Variants in RYK observed in about 807,000 individuals in gnomAD.
The protein encoded by RYK is inactive tyrosine-protein kinase RYK.
Under a neutral mutation model 70.2 loss-of-function variants are expected in RYK, and 21 were observed. The ratio of observed to expected loss-of-function variants is 0.30; its 90% CI spans 0.21 to 0.43. RYK has a LOEUF of 0.43. Ranked by LOEUF, RYK falls within the 20% of genes least tolerant of loss-of-function variation. The pLI is 1.00. For synonymous variants in RYK, 267 were observed against 278.0 expected (o/e 0.96, Z 0.39); for missense variants, 604 against 753.3 (o/e 0.80, Z 2.32).
At chr3:134,221,839 T>G (rs1217953378) in intron 2 of RYK, among the ~76,000 whole-genome samples, 1 of 152,134 alleles carries the variant, frequency 6.6e-6, no homozygotes, top group East Asian at 1.9e-4. Context: ...AGGAGAAAAC[T>G]TACCATGTTT....
At chr3:134,162,962 A>G (rs1288580017) in intron 13 of RYK, among the ~76,000 whole-genome samples, 3 of 152,214 alleles carry the variant, frequency 2.0e-5, no homozygotes, top group African/African-American at 2.4e-5. Context: ...CACTGACATT[A>G]TAACACCTTC....
chr3:134,202,677 T>G, intron 6 of RYK, 53 bp downstream of exon 6: 1 of 1,539,674 alleles, frequency 6.5e-7, no homozygotes, highest in South Asian at 1.1e-5. Context: ...GGCTCCCACA[T>G]ATATACAAAT....
chr3:134,207,489 T>C lies in RYK; in HGVS notation c.626A>G (p.Asn209Ser). 6.5e-7 allele frequency: 1 copy of C among 1,542,020 alleles called. No individual in the cohort carries two copies. The highest frequency in any genetic ancestry group is 8.8e-7 in the Non-Finnish European group (1 of 1,140,522). Residue 209 changes from asparagine to serine, a missense_variant, in exon 5 of 15, where the codon AAC (asparagine) becomes AGC (serine). Physicochemically the swap from Asn to Ser is conservative, Grantham distance 46. This residue lies in a region of RYK where 466 missense variants were observed against 535.9 expected (regional missense o/e 0.87). Transcript: ENST00000623711. ...ACACTTACAAATAGTTCTGCTAGTGTTTTTGTCCAAGGCTGAAGTTTTTAC... is the reference window on the plus strand; with the variant it reads ...ACACTTACAAATAGTTCTGCTAGTGCTTTTGTCCAAGGCTGAAGTTTTTAC... ...EEVKTSALDK[N>S]TSRTIYDPVH...
At chr3:134,236,533 T>A (rs989203872) in intron 1 of RYK, among the ~76,000 whole-genome samples, 1 of 152,124 alleles carries the variant, frequency 6.6e-6, no homozygotes, top group Non-Finnish European at 1.5e-5. Flanking sequence ...AAAATCCCTA[T>A]CAAACTTCTG....
At chr3:134,158,413 C>G (rs1331872175) in intron 14 of RYK, 149 bp from the exon 15 acceptor site, 1 of 407,926 alleles carries the variant, frequency 2.5e-6, no homozygotes, top group African/African-American at 2.0e-5. Flanking sequence ...TATCTGTTGG[C>G]AGCTCTAGAA....
chr3:134,166,455 A>G (rs187050516), intron 13 of RYK, among the ~76,000 whole-genome samples: 22 of 152,348 alleles, frequency 1.4e-4, no homozygotes, highest in Admixed American at 3.3e-4. Context: ...TAAGACACCA[A>G]CTCAACTTCA....
At chr3:134,204,625 A>ACG (rs1401010875) in intron 5 of RYK, among the ~76,000 whole-genome samples, 5 of 149,770 alleles carry the variant, frequency 3.3e-5, no homozygotes, top group Non-Finnish European at 5.9e-5. Flanking sequence ...ACACACACAC[A>ACG]CACGCAGAAG....
chr3:134,244,462 T>C (rs2107698205), intron 1 of RYK, among the ~76,000 whole-genome samples: 1 of 152,312 alleles, frequency 6.6e-6, no homozygotes, highest in East Asian at 1.9e-4. Flanking sequence ...AATTCAGGTC[T>C]CAGGCAGGAC....
At chr3:134,163,341 C>G (rs2012545574) in intron 13 of RYK, among the ~76,000 whole-genome samples, 1 of 152,190 alleles carries the variant, frequency 6.6e-6, no homozygotes. Flanking sequence ...AAAATTTAGA[C>G]AGACTTATTC....
chr3:134,160,901 G>C (rs552284307), intron 13 of RYK, among the ~76,000 whole-genome samples: 1 of 152,230 alleles, frequency 6.6e-6, no homozygotes, highest in South Asian at 2.1e-4. Flanking sequence ...GTTCTATATA[G>C]AGCCAAAATA....
chr3:134,231,592 C>T (rs1365123542), intron 1 of RYK, among the ~76,000 whole-genome samples: 1 of 152,120 alleles, frequency 6.6e-6, no homozygotes, highest in Non-Finnish European at 1.5e-5. Flanking sequence ...CACCCCTTAT[C>T]CCCCTTCAAT....
intron 1 of RYK, among the ~76,000 whole-genome samples, chr3:134,241,701 A>C (rs965147592): frequency 6.6e-6 from 1 of 152,224 alleles, no homozygotes; most frequent in East Asian, 1.9e-4. Context: ...GACTAAGTCA[A>C]CTGTCAACCT....
chr3:134,220,661 T>TAC (rs2014704451), intron 2 of RYK, among the ~76,000 whole-genome samples: 1 of 152,154 alleles, frequency 6.6e-6, no homozygotes, highest in Non-Finnish European at 1.5e-5. Flanking sequence ...TTTATATACA[T>TAC]ACACACACAT....
At chr3:134,173,428 G>A (rs113655198) in intron 13 of RYK, among the ~76,000 whole-genome samples, 126 of 152,292 alleles carry the variant, frequency 8.3e-4, no homozygotes, top group Admixed American at 2.6e-3. Context: ...CCAAGACTGA[G>A]TAATTTATAA....
At chr3:134,204,157 C>T (rs925927708) in intron 5 of RYK, among the ~76,000 whole-genome samples, 5 of 151,968 alleles carry the variant, frequency 3.3e-5, no homozygotes, top group African/African-American at 1.2e-4. Flanking sequence ...TTTTTAAAGG[C>T]TCTATTCATT....
chr3:134,168,972 A>C (rs1304242959), intron 13 of RYK, among the ~76,000 whole-genome samples: 2 of 152,136 alleles, frequency 1.3e-5, no homozygotes, highest in East Asian at 1.9e-4. Flanking sequence ...CATACGTAGC[A>C]ATGTGCTGCA....
At chr3:134,171,113 A>C (rs2012891197) in intron 13 of RYK, 1 of 152,228 alleles carries the variant, frequency 6.6e-6, no homozygotes, top group Non-Finnish European at 1.5e-5. Flanking sequence ...AACAAACTAA[A>C]TAACTAACTA....
chr3:134,241,264 C>T (rs939752123), intron 1 of RYK, among the ~76,000 whole-genome samples: 13 of 151,124 alleles, frequency 8.6e-5, no homozygotes, highest in African/African-American at 3.2e-4. Flanking sequence ...GCACGACAAT[C>T]GCTTGAAGCT....
intron 6 of RYK, among the ~76,000 whole-genome samples, chr3:134,199,990 AAAAACAGACCAATCAGCACTCTGT>A (rs1442491436): frequency 2.8e-4 from 3 of 10,608 alleles, no homozygotes; most frequent in African/African-American, 5.4e-4. Flanking sequence ...AGCACTCTGT[AAAAACAGACCAATCAGCACTCTGT>A]AAAACGGACC....
Sources: gnomAD v4.1 joint callset for allele counts (sites outside exome capture counted in the v4.1 genomes callset) on GRCh38, gnomAD v4.1.1 for gene constraint, gnomAD v4.1.1 regional missense constraint, MANE v1.5 for transcripts, NCBI Gene and HGNC (gene_info 2026-07-23, HGNC 2026-07-21) for gene names.